RAB1A: variants seen among roughly 807,000 people sequenced by gnomAD.
RAB1A encodes ras-related protein Rab-1A.
A neutral mutation model predicts 26.0 loss-of-function variants in RAB1A; 2 were observed. The observed-to-expected ratio is 0.08, with a 90% CI of 0.03 to 0.24. The LOEUF (loss-of-function observed/expected upper bound fraction) is 0.24, where lower values mean the gene tolerates loss of function less well. Among genes scored for constraint, RAB1A ranks in the 10% least tolerant of loss-of-function variants. RAB1A has a pLI of 1.00. For missense variants in RAB1A, 100 were observed against 247.0 expected, an observed-to-expected ratio of 0.40 and a Z score of 3.99; for synonymous variants, 84 against 84.9, an observed-to-expected ratio of 0.99 and a Z score of 0.06.
At chr2:65,116,715 A>G (rs1435559483) in intron 1 of RAB1A, among the ~76,000 whole-genome samples, 3 of 152,270 alleles carry the variant, frequency 2.0e-5, no homozygotes, top group African/African-American at 7.2e-5. Context: ...ACAAAGGAAC[A>G]CAGGAGTTTA....
At chr2:65,101,287 C>G (rs1669421133) in intron 2 of RAB1A, among the ~76,000 whole-genome samples, 1 of 152,140 alleles carries the variant, frequency 6.6e-6, no homozygotes, top group South Asian at 2.1e-4. Context: ...CTCCCCAGCC[C>G]CAAGGTCATG....
intron 1 of RAB1A, among the ~76,000 whole-genome samples, chr2:65,122,153 C>G (rs71424161): frequency 1.8e-5 from 1 of 54,370 alleles, no homozygotes; most frequent in Non-Finnish European, 3.1e-5. Flanking sequence ...AAGACTCTAT[C>G]TCAAAAAAAA....
At chr2:65,125,940 C>T (rs1447506389) in intron 1 of RAB1A, among the ~76,000 whole-genome samples, 2 of 129,194 alleles carry the variant, frequency 1.5e-5, no homozygotes, top group Non-Finnish European at 1.6e-5. Flanking sequence ...GGTGTGATCT[C>T]GGCTCACTGC....
chr2:65,100,247 A>G (rs541401323), intron 2 of RAB1A, among the ~76,000 whole-genome samples: 175 of 151,586 alleles, frequency 1.2e-3, no homozygotes, highest in Middle Eastern at 3.4e-3. Context: ...TAAAAATACA[A>G]AAAATTAGCT....
intron 1 of RAB1A, among the ~76,000 whole-genome samples, chr2:65,115,633 A>C (rs993618725): frequency 1.3e-5 from 2 of 152,188 alleles, no homozygotes; most frequent in Non-Finnish European, 2.9e-5. Flanking sequence ...AGTCAATATA[A>C]ATGATCAATG....
At position 65,125,864 on chromosome 2, in the gene RAB1A, C is replaced by CTT. The variant is rs55930968; in HGVS notation, c.23+4027_23+4028dup. On this transcript the variant is annotated intron_variant, in intron 1 of 5. Coordinates refer to ENST00000409784, the MANE Select transcript of RAB1A (RefSeq NM_004161.5). Reference sequence around the variant, plus strand: ...CTGTTCAGATTACACTTTCAATTGCCTTTTTTTTTTTTTTTTTTTTTTTTT... The same window carrying CTT: ...CTGTTCAGATTACACTTTCAATTGCCTTTTTTTTTTTTTTTTTTTTTTTTTTT... Among the ~76,000 whole-genome samples the CTT allele has an allele frequency of 2.6e-3, 193 of 74,736 alleles. 28 individuals are homozygous for CTT. Among genetic ancestry groups the CTT allele is most frequent in the African/African-American group, 8.1e-3 (149 of 18,488 alleles). The allele number at this position is 74,736 out of a possible 152,430, so 49.0% of individuals were successfully genotyped here. A position where few individuals can be genotyped will look rare whatever the true frequency, so the allele number is the denominator to read the frequency against.
intron 3 of RAB1A, among the ~76,000 whole-genome samples, chr2:65,092,304 C>G (rs1320701270): frequency 6.6e-6 from 1 of 151,924 alleles, no homozygotes; most frequent in Non-Finnish European, 1.5e-5. Context: ...CAAAGTCTTT[C>G]AGTGTATCCT....
intron 1 of RAB1A, among the ~76,000 whole-genome samples, chr2:65,123,559 G>A (rs983218834): frequency 7.2e-5 from 11 of 151,920 alleles, no homozygotes; most frequent in African/African-American, 1.5e-4. Context: ...GAAGCCAGGC[G>A]CGTGGCTCAC....
At chr2:65,114,327 A>C (rs1196789264) in intron 1 of RAB1A, among the ~76,000 whole-genome samples, 1 of 152,242 alleles carries the variant, frequency 6.6e-6, no homozygotes, top group African/African-American at 2.4e-5. Flanking sequence ...ATAGTGTATA[A>C]TTGTATTTGT....
chr2:65,113,247 A>G (rs913816051), intron 1 of RAB1A, among the ~76,000 whole-genome samples: 1 of 152,218 alleles, frequency 6.6e-6, no homozygotes, highest in African/African-American at 2.4e-5. Context: ...CAAAAATGGC[A>G]TCGGTACATA....
chr2:65,103,398 T>C (rs935021265), intron 2 of RAB1A, among the ~76,000 whole-genome samples: 6 of 152,216 alleles, frequency 3.9e-5, no homozygotes, highest in African/African-American at 7.2e-5. Context: ...AAATTAATCA[T>C]TTTAACTGTT....
intron 4 of RAB1A, among the ~76,000 whole-genome samples, chr2:65,090,427 T>A (rs901998923): frequency 1.2e-4 from 18 of 152,230 alleles, no homozygotes; most frequent in African/African-American, 4.1e-4. Flanking sequence ...CTGGATCACA[T>A]GCTTCACACT....
In RAB1A at chr2:65,124,470, C is replaced by T. The variant is rs144066357; in HGVS notation, c.23+5423G>A. ...CATTTTATTTTACTTTATTTTGAGA[C>T]AGAGTCTTGCTCTGTCGCCCAGGCT... On this transcript the variant is annotated intron_variant, in intron 1 of 5. Coordinates refer to ENST00000409784, the MANE Select transcript of RAB1A (RefSeq NM_004161.5). Among the ~76,000 whole-genome samples, 473 of 152,112 alleles carry T rather than the reference C, an allele frequency of 3.1e-3. 2 individuals are homozygous for T. The highest frequency in any genetic ancestry group is 0.011 in the African/African-American group (451 of 41,512).
chr2:65,093,644 G>C (rs950096046), intron 3 of RAB1A, among the ~76,000 whole-genome samples: 1 of 138,290 alleles, frequency 7.2e-6, no homozygotes, highest in African/African-American at 2.7e-5. Context: ...TTTTTTTTCA[G>C]ACGGAGTCTC....
intron 1 of RAB1A, among the ~76,000 whole-genome samples, chr2:65,110,586 A>C (rs1387350441): frequency 6.6e-6 from 1 of 152,286 alleles, no homozygotes; most frequent in East Asian, 1.9e-4. Flanking sequence ...CAAGTCAATA[A>C]CACATGCTGA....
At chr2:65,090,393 T>C (rs1669144387) in intron 4 of RAB1A, among the ~76,000 whole-genome samples, 2 of 152,202 alleles carry the variant, frequency 1.3e-5, no homozygotes, top group South Asian at 2.1e-4. Flanking sequence ...TTTAAAAAAA[T>C]AGTAACAAAA....
At chr2:65,105,119 A>T (rs1241445193) in intron 1 of RAB1A, among the ~76,000 whole-genome samples, 1 of 152,236 alleles carries the variant, frequency 6.6e-6, no homozygotes, top group Non-Finnish European at 1.5e-5. Context: ...TACTTAAAAC[A>T]TTCTAAATAA....
chr2:65,121,145 G>T (rs1335438144), intron 1 of RAB1A, among the ~76,000 whole-genome samples: 1 of 146,310 alleles, frequency 6.8e-6, no homozygotes, highest in Non-Finnish European at 1.5e-5. Flanking sequence ...GAGACAGGAG[G>T]ATCACTAGAG....
chr2:65,123,145 A>G (rs557637869), intron 1 of RAB1A, among the ~76,000 whole-genome samples: 1 of 151,988 alleles, frequency 6.6e-6, no homozygotes, highest in African/African-American at 2.4e-5. Context: ...AGGTGAATAT[A>G]GCAGGATGTT....
Sources: allele counts gnomAD v4.1 joint callset (sites outside exome capture counted in the v4.1 genomes callset), GRCh38; gene constraint gnomAD v4.1.1; transcripts MANE v1.5; gene names NCBI Gene and HGNC (gene_info 2026-07-23, HGNC 2026-07-21).